Variants in EPM2A observed in about 807,000 individuals in gnomAD.
EPM2A encodes laforin.
In EPM2A, 21 loss-of-function variants were observed where a neutral mutation model predicts 26.5. The ratio of observed to expected loss-of-function variants is 0.79; its 90% CI spans 0.56 to 1.14. The LOEUF (loss-of-function observed/expected upper bound fraction) is 1.14. EPM2A is among the 50% of genes most tolerant of loss of function. The probability of loss-of-function intolerance (pLI) is 0.00; values close to 1 mark genes in which losing one functional copy is unlikely to be tolerated. For synonymous variants in EPM2A, 217 were observed against 177.6 expected (o/e 1.22, Z -1.76); for missense variants, 458 against 440.8 (o/e 1.04, Z -0.35).
intron 2 of EPM2A, among the ~76,000 whole-genome samples, chr6:145,506,647 G>A (rs1347918445): frequency 6.6e-6 from 1 of 152,138 alleles, no homozygotes; most frequent in Non-Finnish European, 1.5e-5. Flanking sequence ...TCAAGCATAT[G>A]GAAAAGAAAA....
chr6:145,459,121 G>C (rs1779297319), intron 4 of EPM2A, among the ~76,000 whole-genome samples: 1 of 152,170 alleles, frequency 6.6e-6, no homozygotes, highest in Non-Finnish European at 1.5e-5. Flanking sequence ...TGCAATAGAG[G>C]AGACAGATGG....
At chr6:145,393,305 T>G (rs375028630) in intron 4 of EPM2A, among the ~76,000 whole-genome samples, 5 of 151,896 alleles carry the variant, frequency 3.3e-5, no homozygotes, top group African/African-American at 1.2e-4. Context: ...GGCTTTCCAC[T>G]AAACAACAAG....
chr6:145,634,225 T>C (rs1010962353), intron 3 of EPM2A, among the ~76,000 whole-genome samples: 10 of 152,074 alleles, frequency 6.6e-5, no homozygotes, highest in Non-Finnish European at 1.5e-5. Context: ...TGTAACTTGG[T>C]TCTCTCCTCT....
At chr6:145,405,715 G>C (rs1778558101) in intron 4 of EPM2A, among the ~76,000 whole-genome samples, 1 of 151,964 alleles carries the variant, frequency 6.6e-6, no homozygotes, top group South Asian at 2.1e-4. Context: ...TATAAACTTG[G>C]GCTATAACCA....
chr6:145,460,600 C>CCCTT (rs1187771052), intron 4 of EPM2A, among the ~76,000 whole-genome samples: 4 of 152,058 alleles, frequency 2.6e-5, no homozygotes, highest in South Asian at 2.1e-4. Context: ...CTCCCTTCCT[C>CCCTT]CCTTACTTCC....
intron 4 of EPM2A, among the ~76,000 whole-genome samples, chr6:145,454,626 A>G (rs773332552): frequency 5.9e-5 from 9 of 152,232 alleles, no homozygotes; most frequent in Admixed American, 1.3e-4. Flanking sequence ...CGTATTTCAC[A>G]TCAAGTGCCA....
At chr6:145,504,959 A>G (rs1449419184) in intron 2 of EPM2A, among the ~76,000 whole-genome samples, 1 of 85,454 alleles carries the variant, frequency 1.2e-5, no homozygotes, top group Non-Finnish European at 2.4e-5. Flanking sequence ...CATGGATGAA[A>G]TTGGAAACCA....
At chr6:145,616,224 C>T (rs1562403868) in intron 2 of EPM2A, among the ~76,000 whole-genome samples, 1 of 152,218 alleles carries the variant, frequency 6.6e-6, no homozygotes, top group Non-Finnish European at 1.5e-5. Context: ...GCTGTTCCAG[C>T]CATGGCTGAA....
intron 2 of EPM2A, among the ~76,000 whole-genome samples, chr6:145,608,231 T>C (rs1320062090): frequency 1.3e-5 from 2 of 152,228 alleles, no homozygotes; most frequent in African/African-American, 2.4e-5. Flanking sequence ...TAATCTCTTG[T>C]TGTGCCTAAC....
chr6:145,709,438 C>G (rs894239308), intron 1 of EPM2A, among the ~76,000 whole-genome samples: 2 of 152,132 alleles, frequency 1.3e-5, no homozygotes, highest in Non-Finnish European at 2.9e-5. Context: ...CTCACGATAT[C>G]TGATGGTTTT....
At chr6:145,430,890 G>A (rs1016643885) in intron 4 of EPM2A, among the ~76,000 whole-genome samples, 2 of 152,060 alleles carry the variant, frequency 1.3e-5, no homozygotes, top group Non-Finnish European at 2.9e-5. Flanking sequence ...ATGTTTTTCA[G>A]CAAAATATAA....
chr6:145,705,745 C>CA (rs1446166365), intron 1 of EPM2A, among the ~76,000 whole-genome samples: 17 of 152,282 alleles, frequency 1.1e-4, no homozygotes, highest in Admixed American at 1.0e-3. Flanking sequence ...CAGGAAATGA[C>CA]ACACAGCACT....
chr6:145,453,559 C>T (rs1779225013), intron 4 of EPM2A, among the ~76,000 whole-genome samples: 1 of 152,022 alleles, frequency 6.6e-6, no homozygotes. Context: ...CCCTGGTGTT[C>T]CTTAATTGTA....
intron 4 of EPM2A, among the ~76,000 whole-genome samples, chr6:145,455,428 CCT>C (rs1779251623): frequency 6.6e-6 from 1 of 152,016 alleles, no homozygotes; most frequent in Non-Finnish European, 1.5e-5. Flanking sequence ...CGGGATCTTG[CCT>C]CACTGCAATC....
In EPM2A at chr6:145,662,386, A is replaced by G. The variant is rs76927324; in HGVS notation, c.476+23736T>C. On this transcript the variant is annotated intron_variant, in intron 2 of 3. Transcript: ENST00000367519. ...TCTTTCCTGATTGATCATTAATTTT[A>G]GCTTTAGGTTTCTCATTCTGCCTAA... 7.7e-3 allele frequency among the ~76,000 whole-genome samples: 1,167 copies of G among 152,254 alleles called. 19 individuals are homozygous for G. The highest frequency in any genetic ancestry group is 0.027 in the African/African-American group (1,107 of 41,552).
chr6:145,649,024 T>C (rs946937189), intron 2 of EPM2A, among the ~76,000 whole-genome samples: 8 of 152,216 alleles, frequency 5.3e-5, no homozygotes, highest in African/African-American at 1.9e-4. Flanking sequence ...TTTAATTGAT[T>C]TGTAGACTTA....
chr6:145,561,173 T>G (rs367065), intron 2 of EPM2A, among the ~76,000 whole-genome samples: 53,636 of 148,590 alleles, frequency 0.36, 10,126 homozygotes, highest in South Asian at 0.51. Context: ...TTTTTTACTG[T>G]AACTTCTCTA....
At chr6:145,618,366 T>C (rs1415134443) in intron 2 of EPM2A, among the ~76,000 whole-genome samples, 2 of 152,200 alleles carry the variant, frequency 1.3e-5, no homozygotes, top group Non-Finnish European at 2.9e-5. Flanking sequence ...CAACAGAGAT[T>C]GGAGAGAAGG....
intron 2 of EPM2A, chr6:145,637,204 A>G (rs1253886844): frequency 6.6e-6 from 1 of 152,240 alleles, no homozygotes; most frequent in East Asian, 1.9e-4. Context: ...TGTAAAGATT[A>G]TTCAGTTAAT....
Sources: allele counts gnomAD v4.1 joint callset (sites outside exome capture counted in the v4.1 genomes callset), GRCh38; gene constraint gnomAD v4.1.1; transcripts MANE v1.5; gene names NCBI Gene and HGNC (gene_info 2026-07-23, HGNC 2026-07-21).